The following THSD4 variants were observed in gnomAD, a reference collection of about 807,000 sequenced individuals.
The protein encoded by THSD4 is thrombospondin type 1 domain containing 4, also known as thrombospondin type-1 domain-containing protein 4.
Under a neutral mutation model 119.0 loss-of-function variants are expected in THSD4, and 69 were observed. That is an observed-to-expected ratio of 0.58 (90% confidence interval 0.48 to 0.71). THSD4 has a LOEUF of 0.71. Ranked by LOEUF, THSD4 falls within the 30% of genes least tolerant of loss-of-function variation. The pLI is 0.00. For missense variants in THSD4, 1,393 were observed against 1,391.1 expected (o/e 1.00, Z -0.02); for synonymous variants, 524 against 540.4 (o/e 0.97, Z 0.42).
At chr15:71,297,315 C>CTTTTTTTTTTT (rs772196153) in intron 6 of THSD4, among the ~76,000 whole-genome samples, 15 of 137,682 alleles carry the variant, frequency 1.1e-4, no homozygotes, top group East Asian at 6.4e-4. Flanking sequence ...CTCTCCTCTT[C>CTTTTTTTTTTT]TTTTTTTTGT....
At chr15:71,496,649 A>G (rs1275131663) in intron 7 of THSD4, among the ~76,000 whole-genome samples, 2 of 152,170 alleles carry the variant, frequency 1.3e-5, no homozygotes, top group Admixed American at 6.5e-5. Context: ...TTCTACTGAC[A>G]TTTCACTGGA....
intron 16 of THSD4, 133 bp downstream of exon 16, chr15:71,765,332 A>G (rs2140231157): frequency 1.8e-6 from 2 of 1,091,510 alleles, no homozygotes; most frequent in Non-Finnish European, 2.5e-6. Flanking sequence ...CTTAGGTGGT[A>G]GCTGCTGGAG....
At chr15:71,509,468 G>C (rs576692205) in intron 7 of THSD4, among the ~76,000 whole-genome samples, 22 of 152,320 alleles carry the variant, frequency 1.4e-4, no homozygotes, top group African/African-American at 5.3e-4. Context: ...TCATTAGCTT[G>C]TAAGTAAGTG....
At chr15:71,662,878 G>T (rs1331847085) in intron 8 of THSD4, among the ~76,000 whole-genome samples, 3 of 152,108 alleles carry the variant, frequency 2.0e-5, no homozygotes, top group Non-Finnish European at 4.4e-5. Flanking sequence ...GAGATTGTCA[G>T]TTTTGATTCC....
At chr15:71,586,410 G>A (rs1017901579) in intron 7 of THSD4, among the ~76,000 whole-genome samples, 7 of 152,086 alleles carry the variant, frequency 4.6e-5, no homozygotes, top group African/African-American at 1.7e-4. Context: ...CTCATCTAGA[G>A]CTTGGAATAT....
chr15:71,390,118 G>T (rs916861519), intron 6 of THSD4, among the ~76,000 whole-genome samples: 2 of 152,106 alleles, frequency 1.3e-5, no homozygotes, highest in Non-Finnish European at 2.9e-5. Flanking sequence ...ATCAGAATGA[G>T]CAACATATTC....
At chr15:71,279,341 C>T (rs1474156421) in intron 6 of THSD4, among the ~76,000 whole-genome samples, 9 of 152,160 alleles carry the variant, frequency 5.9e-5, no homozygotes, top group Admixed American at 2.0e-4. Context: ...GCTTAAAAGG[C>T]CCCCATCAAT....
intron 8 of THSD4, among the ~76,000 whole-genome samples, chr15:71,716,039 A>G (rs1022362020): frequency 6.6e-6 from 1 of 152,192 alleles, no homozygotes; most frequent in African/African-American, 2.4e-5. Context: ...GAATTCTGAA[A>G]TCAAGGTGTC....
chr15:71,526,687 A>G (rs2048525090), intron 7 of THSD4, among the ~76,000 whole-genome samples: 1 of 152,186 alleles, frequency 6.6e-6, no homozygotes, highest in African/African-American at 2.4e-5. Flanking sequence ...CTTTGATTTG[A>G]CACTTTTCCA....
At chr15:71,367,155 A>G (rs371017966) in intron 6 of THSD4, among the ~76,000 whole-genome samples, 2 of 152,136 alleles carry the variant, frequency 1.3e-5, no homozygotes, top group East Asian at 3.8e-4. Flanking sequence ...ACACCCAGTT[A>G]CACAAGGTTG....
At chr15:71,663,661 T>C (rs2051357120) in intron 8 of THSD4, among the ~76,000 whole-genome samples, 1 of 152,208 alleles carries the variant, frequency 6.6e-6, no homozygotes, top group South Asian at 2.1e-4. Context: ...ATACATGAGA[T>C]TGCTTGAGAT....
chr15:71,122,035 T>C (rs2040413258), intron 1 of THSD4, among the ~76,000 whole-genome samples: 1 of 152,106 alleles, frequency 6.6e-6, no homozygotes, highest in Admixed American at 6.5e-5. Flanking sequence ...TGAAGTCTCA[T>C]TACAGGGCGT....
chr15:71,251,655 A>G lies in THSD4; in HGVS notation c.913-4958A>G, dbSNP rs554655619. ...TAGCAGTGAAAAGGATAAAAAAATT[A>G]CATATCTGACGCAGGCAGCCTTCAA... On this transcript the variant is annotated intron_variant, in intron 5 of 17. Coordinates refer to ENST00000261862, the MANE Select transcript of THSD4 (RefSeq NM_024817.3). Among the ~76,000 whole-genome samples, 9 of 152,316 alleles carry G rather than the reference A, an allele frequency of 5.9e-5. No individual in the cohort carries two copies. The South Asian group carries it at 1.4e-3, about 25-fold the overall frequency.
At chr15:71,697,565 G>C (rs2052190398) in intron 8 of THSD4, among the ~76,000 whole-genome samples, 1 of 152,220 alleles carries the variant, frequency 6.6e-6, no homozygotes, top group African/African-American at 2.4e-5. Flanking sequence ...GAAAGAGTAT[G>C]CACTGGGATC....
intron 6 of THSD4, among the ~76,000 whole-genome samples, chr15:71,356,815 C>T (rs1000034440): frequency 3.3e-5 from 5 of 152,042 alleles, no homozygotes; most frequent in Admixed American, 6.5e-5. Context: ...TCTTCTCCCT[C>T]CCCCGACTTT....
At chr15:71,517,548 A>G (rs2048378553) in intron 7 of THSD4, among the ~76,000 whole-genome samples, 1 of 152,230 alleles carries the variant, frequency 6.6e-6, no homozygotes, top group African/African-American at 2.4e-5. Context: ...TTCAGGCCAA[A>G]GGACATTCTC....
intron 7 of THSD4, among the ~76,000 whole-genome samples, chr15:71,450,070 A>G (rs1190083187): frequency 1.3e-5 from 2 of 152,232 alleles, no homozygotes; most frequent in Non-Finnish European, 2.9e-5. Flanking sequence ...GTGCAAACGA[A>G]GGAACAAGGG....
At chr15:71,552,677 C>T (rs1292365753) in intron 7 of THSD4, among the ~76,000 whole-genome samples, 3 of 152,214 alleles carry the variant, frequency 2.0e-5, no homozygotes, top group Non-Finnish European at 4.4e-5. Flanking sequence ...GACAGAGTCT[C>T]ACCCTGTCAC....
chr15:71,640,956 T>G (rs1050865050), intron 7 of THSD4, among the ~76,000 whole-genome samples: 1 of 149,590 alleles, frequency 6.7e-6, no homozygotes, highest in African/African-American at 2.5e-5. Context: ...ATGATTTAGA[T>G]CTTTCCTTCA....
Sources: gnomAD v4.1 joint callset for allele counts (sites outside exome capture counted in the v4.1 genomes callset) on GRCh38, gnomAD v4.1.1 for gene constraint, MANE v1.5 for transcripts, NCBI Gene and HGNC (gene_info 2026-07-23, HGNC 2026-07-21) for gene names.